Variants in PPP1R11 observed in about 807,000 individuals in gnomAD.
PPP1R11 encodes protein phosphatase 1 regulatory inhibitor subunit 11.
Under a neutral mutation model 11.3 loss-of-function variants are expected in PPP1R11, and 10 were observed. That is an observed-to-expected ratio of 0.88 (90% CI 0.55 to 1.50). The LOEUF (loss-of-function observed/expected upper bound fraction) is 1.50. Ranked by LOEUF, PPP1R11 falls within the 40% of genes most tolerant of loss-of-function variation. PPP1R11 has a pLI of 0.00. For synonymous variants in PPP1R11, 56 were observed against 62.3 expected (o/e 0.90, Z 0.48); for missense variants, 114 against 179.1 (o/e 0.64, Z 2.07).
At chr6:30,067,868 A>G (rs566817223) in intron 1 of PPP1R11, among the ~76,000 whole-genome samples, 107 of 152,270 alleles carry the variant, frequency 7.0e-4, no homozygotes, top group Non-Finnish European at 2.4e-4. Context: ...TCGAATAAAT[A>G]TTTATTGAAT....
chr6:30,064,565 G>T, upstream of PPP1R11: 1 of 976,316 alleles, frequency 1.0e-6, no homozygotes, highest in East Asian at 2.7e-5. Context: ...AGTCCTCAAT[G>T]ATGTCATAAA....
rs747651978 is a variant in PPP1R11 at position 30,069,087 on chromosome 6, C to G, written c.179-17C>G. ...ACCCTTCCTCCTCTTTAACTGGGCT[C>G]CTCCCTCTAAATCTAGGCTGCTGTA... On this transcript the variant is annotated splice_polypyrimidine_tract_variant and intron_variant, in intron 2 of 2. Coordinates refer to ENST00000376772, the MANE Select transcript of PPP1R11 (RefSeq NM_021959.3). The surrounding 1 kb of genome is among the most constrained non-coding windows in gnomAD (Gnocchi z 6.6). The G allele has an allele frequency of 2.5e-6, 4 of 1,572,508 alleles. No homozygotes were observed. Among genetic ancestry groups the G allele is most frequent in the Non-Finnish European group, 3.5e-6 (4 of 1,144,408 alleles).
intron 1 of PPP1R11, 197 bp downstream of exon 1, chr6:30,067,676 A>G (rs894324721): frequency 1.6e-6 from 1 of 624,994 alleles, no homozygotes; most frequent in Admixed American, 2.9e-5. Flanking sequence ...CAGGTCAAGG[A>G]ACTTGTAATA....
chr6:30,064,359 T>G (rs2127296902), upstream of PPP1R11, among the ~76,000 whole-genome samples: 1 of 152,184 alleles, frequency 6.6e-6, no homozygotes, highest in Non-Finnish European at 1.5e-5. Context: ...TTGCCTATTT[T>G]CTTAACCCTC....
At chr6:30,061,660 A>G in the PPP1R11 span, 10 of 1,612,842 alleles carry the variant, frequency 6.2e-6, no homozygotes, top group Non-Finnish European at 8.5e-6. The surrounding 1 kb of genome is among the most constrained non-coding windows in gnomAD (Gnocchi z 5.0). Context: ...CTTCAACATC[A>G]ACGTTCGGGG....
chr6:30,062,343 CT>C (rs1427742099), upstream of PPP1R11: 2 of 1,545,750 alleles, frequency 1.3e-6, no homozygotes, highest in South Asian at 2.2e-5. Context: ...AGTGAGTATT[CT>C]TTCCCCTCCC....
At chr6:30,062,979 T>C (rs1157291222), upstream of PPP1R11, among the ~76,000 whole-genome samples, 1 of 151,912 alleles carries the variant, frequency 6.6e-6, no homozygotes, top group Non-Finnish European at 1.5e-5. Context: ...GCAGTCAAGG[T>C]AGCTTTCTTT....
At chr6:30,064,853 T>C, upstream of PPP1R11, 1 of 502,392 alleles carries the variant, frequency 2.0e-6, no homozygotes. Context: ...CCTGGAGTAC[T>C]CCTACCCTTA....
At chr6:30,062,460 T>C (rs1165748912), upstream of PPP1R11, 1 of 601,428 alleles carries the variant, frequency 1.7e-6, no homozygotes, top group African/African-American at 1.8e-5. Flanking sequence ...GTTCTGGTAA[T>C]AGGGAGATTT....
At chr6:30,065,047 A>G, upstream of PPP1R11, 1 of 228,960 alleles carries the variant, frequency 4.4e-6, no homozygotes, top group Non-Finnish European at 8.3e-6. This position sits in a 1 kb window ranked among gnomAD's most constrained non-coding sequence, Gnocchi z 5.3. Flanking sequence ...ATAAACAAAA[A>G]GCAATTGTAA....
the PPP1R11 span, chr6:30,061,669 G>A: frequency 1.9e-6 from 3 of 1,613,008 alleles, no homozygotes; most frequent in Non-Finnish European, 2.5e-6. This position sits in a 1 kb window ranked among gnomAD's most constrained non-coding sequence, Gnocchi z 5.0. Context: ...CAACGTTCGG[G>A]GTGAGAGGCT....
Position 30,067,248 on chromosome 6 carries a change from A to T in PPP1R11, c.-163A>T, listed in dbSNP as rs538795990. 2.9e-6 allele frequency: 2 copies of T among 692,208 alleles called. No individual in the cohort carries two copies. The highest frequency in any genetic ancestry group is 2.8e-5 in the Admixed American group (1 of 36,138). 42.9% of individuals were successfully genotyped at this position (692,208 alleles called of 1,614,324 possible). Reference sequence around the variant, plus strand: ...AAGTGGGGTTAGCCAGGTTATCCCCAGGGGTGGAGAAGCGGAGGCCCAGGA... The same window carrying T: ...AAGTGGGGTTAGCCAGGTTATCCCCTGGGGTGGAGAAGCGGAGGCCCAGGA... On this transcript the variant is annotated 5_prime_UTR_variant, in exon 1 of 3. Coordinates refer to ENST00000376772, the MANE Select transcript of PPP1R11 (RefSeq NM_021959.3).
At chr6:30,066,607 A>C (rs192131059), upstream of PPP1R11, 1 of 152,356 alleles carries the variant, frequency 6.6e-6, no homozygotes, top group Non-Finnish European at 1.5e-5. Context: ...TAGAGCTAAA[A>C]GGCAGGGTCT....
At chr6:30,068,483 A>G (rs890653826) in intron 1 of PPP1R11, 107 bp from the exon 2 acceptor site, 11 of 823,764 alleles carry the variant, frequency 1.3e-5, no homozygotes, top group Admixed American at 2.2e-5. Context: ...TGCTATGCCT[A>G]TGGTACTGAT....
chr6:30,068,610 C>T lies in PPP1R11; in HGVS notation c.90C>T (p.Ile30=). 6.2e-7 allele frequency: 1 copy of T among 1,612,800 alleles called. No individual in the cohort carries two copies. Among genetic ancestry groups the T allele is most frequent in the Non-Finnish European group, 8.5e-7 (1 of 1,179,972 alleles). ...TTEPENRSLT[I]KLRKRKPEKK... is the part of the protein sequence containing the mutation. Reference sequence around the variant, plus strand: ...TCTAGGAGAACCGGAGCCTTACCATCAAACTTCGGAAACGGAAGCCAGAGA... The same window carrying T: ...TCTAGGAGAACCGGAGCCTTACCATTAAACTTCGGAAACGGAAGCCAGAGA... Residue 30 remains isoleucine, a synonymous_variant, in exon 2 of 3, where the codon ATC becomes ATT. Coordinates refer to ENST00000376772, the MANE Select transcript of PPP1R11 (RefSeq NM_021959.3).
At chr6:30,061,298 C>T in the PPP1R11 span, 1 of 464,318 alleles carries the variant, frequency 2.2e-6, no homozygotes, top group Non-Finnish European at 3.8e-6. The surrounding 1 kb of genome is among the most constrained non-coding windows in gnomAD (Gnocchi z 5.0). Context: ...AGTTGGTTAA[C>T]TCCTCTCACC....
intron 1 of PPP1R11, chr6:30,067,733 T>C (rs1765644488): frequency 4.5e-6 from 2 of 441,476 alleles, no homozygotes; most frequent in Non-Finnish European, 4.0e-6. Flanking sequence ...GGTGGTTATG[T>C]GTGTAAGTAA....
the PPP1R11 span, chr6:30,061,346 C>T: frequency 3.1e-6 from 2 of 651,726 alleles, no homozygotes; most frequent in East Asian, 2.7e-5. The surrounding 1 kb of genome is among the most constrained non-coding windows in gnomAD (Gnocchi z 5.0). Context: ...TAGTACCCGA[C>T]GCTGTCTGGG....
upstream of PPP1R11, among the ~76,000 whole-genome samples, chr6:30,066,015 A>G (rs1765493225): frequency 6.6e-6 from 1 of 152,124 alleles, no homozygotes; most frequent in South Asian, 2.1e-4. Flanking sequence ...AAACATAGCT[A>G]TCTTGTTTGA....
Sources: allele counts gnomAD v4.1 joint callset (sites outside exome capture counted in the v4.1 genomes callset), GRCh38; gene constraint gnomAD v4.1.1; non-coding constraint Gnocchi (gnomAD v3.1); transcripts MANE v1.5; gene names NCBI Gene and HGNC (gene_info 2026-07-23, HGNC 2026-07-21).